The following LMO7 variants were observed in gnomAD, a reference collection of about 807,000 sequenced individuals.
LMO7 encodes the protein LIM domain only protein 7.
A neutral mutation model predicts 206.5 loss-of-function variants in LMO7; 120 were observed. That is an observed-to-expected ratio of 0.58 (90% CI 0.50 to 0.68). The LOEUF (loss-of-function observed/expected upper bound fraction) is 0.68. Among genes scored for constraint, LMO7 ranks in the 30% least tolerant of loss-of-function variants. The pLI, the probability that LMO7 is intolerant of heterozygous loss-of-function variation, is 0.00. For missense variants in LMO7, 1,959 were observed against 1,957.9 expected, an observed-to-expected ratio of 1.00 and a Z score of -0.01; for synonymous variants, 706 against 681.5, an observed-to-expected ratio of 1.04 and a Z score of -0.56.
intron 11 of LMO7, among the ~76,000 whole-genome samples, chr13:75,810,632 T>C (rs2056247675): frequency 1.3e-5 from 2 of 152,272 alleles, no homozygotes; most frequent in Admixed American, 1.3e-4. Context: ...GCTTTAAGCA[T>C]GTTGAATTGT....
In LMO7 at chr13:75,837,817, A is replaced by C. The variant is rs184404617; in HGVS notation, c.3395-323A>C. On this transcript the variant is annotated intron_variant, in intron 19 of 30. Coordinates refer to ENST00000377534, the MANE Select transcript of LMO7 (RefSeq NM_001306080.2). The stretch of plus-strand genomic sequence containing the variant: ...ATGGATTGTTTAACCTAAGCAAAAA[A>C]TATTGATTTCCTTTTCCCTAAAACG... 6.6e-5 allele frequency among the ~76,000 whole-genome samples: 10 copies of C among 152,338 alleles called. No individual in the cohort carries two copies. The East Asian group carries it at 1.9e-3, about 29-fold the overall frequency.
intron 2 of LMO7, among the ~76,000 whole-genome samples, chr13:75,716,894 C>CTTT (rs35871564): frequency 3.6e-5 from 5 of 138,752 alleles, no homozygotes; most frequent in East Asian, 2.1e-4. Flanking sequence ...TGAAAACACT[C>CTTT]TTTTTTTTTT....
intron 4 of LMO7, among the ~76,000 whole-genome samples, chr13:75,789,719 G>A (rs991813512): frequency 1.3e-5 from 2 of 152,128 alleles, no homozygotes; most frequent in Non-Finnish European, 2.9e-5. Context: ...GGAAGGCGGT[G>A]CTGGGTGCAT....
intron 2 of LMO7, among the ~76,000 whole-genome samples, chr13:75,625,445 GTGTGTGTGTGCA>G (rs1255040889): frequency 2.7e-5 from 1 of 36,916 alleles, no homozygotes; most frequent in Non-Finnish European, 6.6e-5. Flanking sequence ...GTGTGTGTGT[GTGTGTGTGTGCA>G]TGTGCATGTG....
intron 1 of LMO7, chr13:75,689,035 A>G (rs911437220): frequency 6.6e-6 from 1 of 152,168 alleles, no homozygotes; most frequent in Non-Finnish European, 1.5e-5. Context: ...TGTACTCTGT[A>G]TATGCATTGA....
chr13:75,692,783 C>T (rs2041598583), intron 1 of LMO7, among the ~76,000 whole-genome samples: 1 of 152,154 alleles, frequency 6.6e-6, no homozygotes, highest in African/African-American at 2.4e-5. Flanking sequence ...CAATGTCTTC[C>T]TGAAGTGTAA....
intron 1 of LMO7, among the ~76,000 whole-genome samples, chr13:75,699,833 T>G (rs2042158134): frequency 6.6e-6 from 1 of 152,136 alleles, no homozygotes; most frequent in Admixed American, 6.5e-5. Context: ...TGACTAGAAT[T>G]CGCCAGGCTG....
At chr13:75,687,866 C>A (rs563504037) in intron 1 of LMO7, among the ~76,000 whole-genome samples, 110 of 152,186 alleles carry the variant, frequency 7.2e-4, no homozygotes, top group African/African-American at 2.4e-3. Context: ...GTGTCCCTAC[C>A]CAAATCTCAT....
intron 2 of LMO7, among the ~76,000 whole-genome samples, chr13:75,725,908 C>CT (rs371790646): frequency 2.4e-4 from 36 of 150,876 alleles, no homozygotes; most frequent in African/African-American, 8.5e-4. Context: ...AGACTTTTGT[C>CT]TTTTTTTATT....
chr13:75,669,371 C>A, intron 1 of LMO7, among the ~76,000 whole-genome samples: 1 of 148,050 alleles, frequency 6.8e-6, no homozygotes, highest in African/African-American at 2.6e-5. Flanking sequence ...AGAAAAGTGA[C>A]CCCCCCGCCG....
At chr13:75,693,773 G>A (rs540779192) in intron 1 of LMO7, among the ~76,000 whole-genome samples, 1 of 152,278 alleles carries the variant, frequency 6.6e-6, no homozygotes, top group African/African-American at 2.4e-5. Flanking sequence ...AGGAGCATGG[G>A]TGGCCTGGCT....
upstream of LMO7, among the ~76,000 whole-genome samples, chr13:75,634,631 T>G (rs1051031340): frequency 3.3e-5 from 5 of 152,110 alleles, no homozygotes. Flanking sequence ...TAGTCCCAGC[T>G]ACTCGAGAGG....
intron 14 of LMO7, among the ~76,000 whole-genome samples, chr13:75,822,047 T>C (rs2057634578): frequency 6.6e-6 from 1 of 152,194 alleles, no homozygotes; most frequent in Non-Finnish European, 1.5e-5. Context: ...TTTCTCACTT[T>C]ATCAGTTTGA....
intron 15 of LMO7, among the ~76,000 whole-genome samples, chr13:75,828,769 A>G (rs1344034877): frequency 1.3e-5 from 2 of 152,162 alleles, no homozygotes; most frequent in African/African-American, 4.8e-5. Flanking sequence ...TTTAGGGGAG[A>G]TCATGGCCTG....
In LMO7 at chr13:75,796,661, G is replaced by A; in HGVS notation, c.374G>A (p.Gly125Glu). The change falls in exon 6 of 31, where the codon GGA becomes GAA. Residue 125 changes from glycine (G) to glutamate (E), a missense_variant. Coordinates refer to ENST00000377534, the MANE Select transcript of LMO7 (RefSeq NM_001306080.2). ...GTTTTGATAACATTGTACTGGCTGG[G>A]AAGAAAAGCACAAAGCAACCCGTAC... is the stretch of plus-strand genomic sequence containing the variant. ...KNVLITLYWL[G>E]RKAQSNPYYN... 1 of 1,612,400 alleles carries A rather than the reference G, an allele frequency of 6.2e-7. No individual in the cohort carries two copies. Among genetic ancestry groups the A allele is most frequent in the Non-Finnish European group, 8.5e-7 (1 of 1,178,840 alleles).
chr13:75,814,388 GCACA>G (rs2076723100), intron 11 of LMO7, among the ~76,000 whole-genome samples: 1 of 152,114 alleles, frequency 6.6e-6, no homozygotes, highest in South Asian at 2.1e-4. Flanking sequence ...ACATGCACAT[GCACA>G]CACAGACACA....
chr13:75,772,100 T>C (rs918254665), intron 4 of LMO7, among the ~76,000 whole-genome samples: 9 of 152,242 alleles, frequency 5.9e-5, no homozygotes, highest in Middle Eastern at 3.4e-3. Context: ...AGAAACACTT[T>C]AAGAATTTCT....
At chr13:75,783,666 G>C (rs766432862) in intron 4 of LMO7, among the ~76,000 whole-genome samples, 1 of 152,118 alleles carries the variant, frequency 6.6e-6, no homozygotes, top group Non-Finnish European at 1.5e-5. Flanking sequence ...AGACAAGAGA[G>C]CTTGAATGAG....
At chr13:75,691,011 T>C (rs1441915344) in intron 1 of LMO7, among the ~76,000 whole-genome samples, 2 of 152,108 alleles carry the variant, frequency 1.3e-5, no homozygotes, top group Non-Finnish European at 2.9e-5. Context: ...AATATATATG[T>C]AGATATGTAT....
Sources: gnomAD v4.1 joint callset for allele counts (sites outside exome capture counted in the v4.1 genomes callset) on GRCh38, gnomAD v4.1.1 for gene constraint, MANE v1.5 for transcripts, NCBI Gene and HGNC (gene_info 2026-07-23, HGNC 2026-07-21) for gene names.